The following CENPP variants were observed in gnomAD, a reference collection of about 807,000 sequenced individuals.
CENPP encodes the protein centromere protein P.
CENPP carries 24 observed loss-of-function variants against 35.6 expected under a neutral mutation model. That is an observed-to-expected ratio of 0.67 (90% confidence interval 0.49 to 0.95). CENPP has a LOEUF of 0.95. Ranked by LOEUF, CENPP falls within the 40% of genes least tolerant of loss-of-function variation. CENPP has a pLI of 0.00. For missense variants in CENPP, 332 were observed against 345.3 expected (o/e 0.96, Z 0.31); for synonymous variants, 120 against 125.5 (o/e 0.96, Z 0.29).
intron 5 of CENPP, among the ~76,000 whole-genome samples, chr9:92,559,316 T>C (rs923105931): frequency 6.6e-6 from 1 of 152,186 alleles, no homozygotes; most frequent in African/African-American, 2.4e-5. Flanking sequence ...CCTCTACCCC[T>C]GTATTTCACT....
chr9:92,397,870 CACAT>C (rs1251834513), intron 5 of CENPP, among the ~76,000 whole-genome samples: 2 of 152,144 alleles, frequency 1.3e-5, no homozygotes, highest in African/African-American at 4.8e-5. Flanking sequence ...TACATACACA[CACAT>C]AGAGATAAAC....
chr9:92,453,007 T>G (rs1844759388), intron 5 of CENPP, among the ~76,000 whole-genome samples: 1 of 152,216 alleles, frequency 6.6e-6, no homozygotes, highest in Non-Finnish European at 1.5e-5. Context: ...TTTATTAGTC[T>G]TGCTAGGGGT....
At chr9:92,351,395 G>T (rs992439685) in intron 4 of CENPP, among the ~76,000 whole-genome samples, 10 of 151,172 alleles carry the variant, frequency 6.6e-5, no homozygotes, top group Non-Finnish European at 4.4e-5. Context: ...CAGGAGAATC[G>T]CTTGAACCTG....
intron 5 of CENPP, chr9:92,417,147 C>G: frequency 1.2e-6 from 2 of 1,613,756 alleles, no homozygotes; most frequent in Non-Finnish European, 1.7e-6. Context: ...GGAAGCTTAG[C>G]AAACACACCA....
intron 5 of CENPP, among the ~76,000 whole-genome samples, chr9:92,448,770 GACAATCTATGTCTAC>G (rs1844619107): frequency 6.6e-6 from 1 of 152,160 alleles, no homozygotes; most frequent in Non-Finnish European, 1.5e-5. Flanking sequence ...AGGAATGGCT[GACAATCTATGTCTAC>G]ACCTTAGCAG....
chr9:92,393,069 A>G, intron 5 of CENPP: 1 of 1,606,366 alleles, frequency 6.2e-7, no homozygotes, highest in Non-Finnish European at 8.5e-7. Context: ...CTAATATCAT[A>G]TTTCAGCTTA....
chr9:92,481,297 C>T (rs1272323005), intron 5 of CENPP, among the ~76,000 whole-genome samples: 3 of 152,192 alleles, frequency 2.0e-5, no homozygotes, highest in Non-Finnish European at 2.9e-5. Context: ...AAAAAACAAA[C>T]TAAAAACATC....
intron 6 of CENPP, 76 bp downstream of exon 6, chr9:92,611,469 G>T (rs1467178636): frequency 1.7e-6 from 2 of 1,157,020 alleles, no homozygotes; most frequent in Non-Finnish European, 2.5e-6. Context: ...ACCTAAGTAG[G>T]ATTCTAAGTA....
intron 5 of CENPP, among the ~76,000 whole-genome samples, chr9:92,594,349 C>T (rs999761460): frequency 6.6e-5 from 10 of 152,136 alleles, no homozygotes; most frequent in African/African-American, 2.4e-4. Flanking sequence ...GCCCCGTGAG[C>T]AGGTGGCCCA....
In CENPP at chr9:92,332,539, G is replaced by A. The variant is rs73518458; in HGVS notation, c.289+188G>A. 5.3e-3 allele frequency among the ~76,000 whole-genome samples: 811 copies of A among 152,298 alleles called. 9 individuals carry two copies. Among genetic ancestry groups the A allele is most frequent in the African/African-American group, 0.018 (766 of 41,566 alleles). ...CAAAAAGCTGCCTGGGCCAGGCCCCGTGATCATGCCTATAATCCCAGCTTT... is the reference window on the plus strand; with the variant it reads ...CAAAAAGCTGCCTGGGCCAGGCCCCATGATCATGCCTATAATCCCAGCTTT... On this transcript the variant is annotated intron_variant, in intron 2 of 7. Coordinates refer to ENST00000375587, the MANE Select transcript of CENPP (RefSeq NM_001012267.3).
At chr9:92,542,374 G>A (rs1159960512) in intron 5 of CENPP, among the ~76,000 whole-genome samples, 1 of 152,070 alleles carries the variant, frequency 6.6e-6, no homozygotes, top group Admixed American at 6.5e-5. Context: ...CGTTTACTGT[G>A]TAGATATTTC....
At chr9:92,483,767 G>A (rs1473698796) in intron 5 of CENPP, among the ~76,000 whole-genome samples, 1 of 152,168 alleles carries the variant, frequency 6.6e-6, no homozygotes, top group Non-Finnish European at 1.5e-5. Flanking sequence ...TGCCTCAGAT[G>A]TGCATAGCAG....
chr9:92,373,718 C>T (rs190054701), intron 4 of CENPP, among the ~76,000 whole-genome samples: 38 of 152,058 alleles, frequency 2.5e-4, no homozygotes, highest in Admixed American at 4.6e-4. Context: ...CCCAGCTACT[C>T]GGGAGGCTGA....
intron 5 of CENPP, among the ~76,000 whole-genome samples, chr9:92,486,809 T>C (rs1462588727): frequency 2.0e-5 from 3 of 148,850 alleles, no homozygotes; most frequent in Non-Finnish European, 4.4e-5. Context: ...TGAGACGGAG[T>C]CTTGCTCTGT....
intron 4 of CENPP, among the ~76,000 whole-genome samples, chr9:92,348,104 CTTTCTTTCTT>C (rs1301291947): frequency 3.4e-4 from 28 of 83,482 alleles, no homozygotes; most frequent in African/African-American, 1.3e-3. Context: ...TTCTTTCTTT[CTTTCTTTCTT>C]TTTTTTTTTT....
chr9:92,525,495 C>T (rs889956529), intron 5 of CENPP, among the ~76,000 whole-genome samples: 1 of 152,172 alleles, frequency 6.6e-6, no homozygotes, highest in African/African-American at 2.4e-5. Context: ...CTGAAAATCT[C>T]TTATTGCCTA....
chr9:92,401,206 T>C, intron 5 of CENPP: 1 of 1,054,018 alleles, frequency 9.5e-7, no homozygotes, highest in Non-Finnish European at 1.5e-6. Flanking sequence ...AATAAAAGTT[T>C]GTTACCTAGC....
chr9:92,474,619 C>A, intron 5 of CENPP: 1 of 1,603,204 alleles, frequency 6.2e-7, no homozygotes, highest in South Asian at 1.1e-5. Flanking sequence ...GACTTATATT[C>A]TTACCTAAAT....
intron 5 of CENPP, among the ~76,000 whole-genome samples, chr9:92,388,915 C>T (rs1347700646): frequency 6.6e-6 from 1 of 151,154 alleles, no homozygotes; most frequent in Non-Finnish European, 1.5e-5. Context: ...TAAGAAACAT[C>T]AGATGAGCTC....
Sources: allele counts gnomAD v4.1 joint callset (sites outside exome capture counted in the v4.1 genomes callset), GRCh38; gene constraint gnomAD v4.1.1; transcripts MANE v1.5; gene names NCBI Gene and HGNC (gene_info 2026-07-23, HGNC 2026-07-21).